The following F13A1 variants were observed in gnomAD, a reference collection of about 807,000 sequenced individuals.
The protein encoded by F13A1 is coagulation factor XIII A chain, also known as FSF, A subunit.
F13A1 carries 47 observed loss-of-function variants against 80.1 expected under a neutral mutation model. The observed-to-expected ratio is 0.59, with a 90% CI of 0.46 to 0.75. The LOEUF (loss-of-function observed/expected upper bound fraction) is 0.75, where lower values mean the gene tolerates loss of function less well. Among genes scored for constraint, F13A1 ranks in the 30% least tolerant of loss-of-function variants. F13A1 has a pLI of 0.00. For synonymous variants in F13A1, 349 were observed against 344.9 expected (o/e 1.01, Z -0.13); for missense variants, 817 against 930.4 (o/e 0.88, Z 1.59).
intron 10 of F13A1, among the ~76,000 whole-genome samples, chr6:6,183,363 A>G (rs931055867): frequency 6.6e-6 from 1 of 152,238 alleles, no homozygotes; most frequent in African/African-American, 2.4e-5. Flanking sequence ...GTTATTGATA[A>G]TAATATTGAA....
chr6:6,242,925 C>T (rs1026894087), intron 6 of F13A1, among the ~76,000 whole-genome samples: 4 of 152,310 alleles, frequency 2.6e-5, no homozygotes, highest in African/African-American at 9.6e-5. Flanking sequence ...ATTTCCATCA[C>T]AGAATTTGCC....
intron 12 of F13A1, 48 bp from the exon 13 acceptor site, chr6:6,167,666 G>A (rs1760702713): frequency 6.2e-7 from 1 of 1,602,852 alleles, no homozygotes; most frequent in South Asian, 1.1e-5. Flanking sequence ...CTTGAGACAG[G>A]GTCTGCTTTA....
At chr6:6,267,980 C>T (rs141694414) in intron 3 of F13A1, among the ~76,000 whole-genome samples, 4 of 152,332 alleles carry the variant, frequency 2.6e-5, no homozygotes, top group African/African-American at 7.2e-5. Context: ...TCCACTGTTA[C>T]ACTTTAAATT....
intron 6 of F13A1, among the ~76,000 whole-genome samples, chr6:6,234,707 T>G (rs560202223): frequency 6.6e-6 from 1 of 152,180 alleles, no homozygotes; most frequent in South Asian, 2.1e-4. Context: ...CATAATTACT[T>G]TATTCTTTTA....
In F13A1 at chr6:6,243,176, TACCACCATCACTCCC is replaced by T. The variant is rs1428966757; in HGVS notation, c.798+5121_798+5135del. On this transcript the variant is annotated intron_variant, in intron 6 of 14. Transcript: ENST00000264870. The surrounding 1 kb of genome is among the most constrained non-coding windows in gnomAD (Gnocchi z 4.2). ...CACCACATTACGCCATCACCACCAC[TACCACCATCACTCCC>T]ACCACCATCACTCCTACCATCACCA... is the stretch of plus-strand genomic sequence containing the variant. 2.1e-5 allele frequency among the ~76,000 whole-genome samples: 3 copies of T among 145,362 alleles called. No individual in the cohort carries two copies. The highest frequency in any genetic ancestry group is 3.0e-5 in the Non-Finnish European group (2 of 65,606).
chr6:6,271,888 C>T (rs1460648248), intron 3 of F13A1, among the ~76,000 whole-genome samples: 2 of 152,250 alleles, frequency 1.3e-5, no homozygotes, highest in Non-Finnish European at 2.9e-5. Flanking sequence ...TTACACAGAC[C>T]TACCTTAATC....
rs867515544 is a variant in F13A1, at chr6:6,217,584, C to T, written c.1112+4449G>A. ...GGGAGATATACCTAATGCTGGATGA[C>T]GAGTTAGTGGGTGCAGCGCACCAGC... On this transcript the variant is annotated intron_variant, in intron 8 of 14. Coordinates refer to ENST00000264870, the MANE Select transcript of F13A1 (RefSeq NM_000129.4). 1.7e-4 allele frequency among the ~76,000 whole-genome samples: 26 copies of T among 151,436 alleles called. No homozygotes were observed. In the Middle Eastern group the frequency reaches 0.01, roughly 59 times the overall value.
At chr6:6,203,397 G>A (rs1231574886) in intron 8 of F13A1, among the ~76,000 whole-genome samples, 2 of 152,188 alleles carry the variant, frequency 1.3e-5, no homozygotes, top group African/African-American at 4.8e-5. Flanking sequence ...TAATTAAAAG[G>A]TAGATTATCA....
At chr6:6,255,785 A>G (rs572133130) in intron 4 of F13A1, among the ~76,000 whole-genome samples, 6 of 152,264 alleles carry the variant, frequency 3.9e-5, no homozygotes, top group Non-Finnish European at 7.4e-5. Flanking sequence ...AATCCACAGT[A>G]TGGCAAGGAA....
rs1386684136 is a variant in F13A1 at position 6,299,845 on chromosome 6, T to G, written c.319+5506A>C. 1.4e-5 allele frequency among the ~76,000 whole-genome samples: 2 copies of G among 148,036 alleles called. 1 individual carries two copies. The highest frequency in any genetic ancestry group is 5.3e-5 in the African/African-American group (2 of 37,774). ...GCGGTCTGCTTTTTAGAGTTTCCAG[T>G]TTTTCTGTTCTGTTTTTTCCCCATC... On this transcript the variant is annotated intron_variant, in intron 3 of 14. Transcript: ENST00000264870.
intron 2 of F13A1, among the ~76,000 whole-genome samples, chr6:6,316,967 G>A (rs565461125): frequency 5.8e-4 from 89 of 152,214 alleles, no homozygotes; most frequent in African/African-American, 2.0e-3. Flanking sequence ...AGAGGTTCCC[G>A]TTTTTCCCAA....
intron 3 of F13A1, among the ~76,000 whole-genome samples, chr6:6,298,475 T>A (rs1426160439): frequency 6.7e-6 from 1 of 150,102 alleles, no homozygotes; most frequent in Non-Finnish European, 1.5e-5. Flanking sequence ...GCTCTTCTTG[T>A]TGAATTGATC....
chr6:6,277,902 G>A (rs1220897412), intron 3 of F13A1, among the ~76,000 whole-genome samples: 2 of 152,122 alleles, frequency 1.3e-5, no homozygotes, highest in African/African-American at 4.8e-5. Context: ...TGTATATTTG[G>A]CCAACCAGCT....
chr6:6,183,971 A>G lies in F13A1; in HGVS notation c.1306-1830T>C, dbSNP rs554898956. 1.1e-4 allele frequency among the ~76,000 whole-genome samples: 17 copies of G among 152,330 alleles called. No individual in the cohort carries two copies. The East Asian group carries it at 3.3e-3, about 29-fold the overall frequency. On this transcript the variant is annotated intron_variant, in intron 10 of 14. Coordinates refer to ENST00000264870, the MANE Select transcript of F13A1 (RefSeq NM_000129.4). ...GAGTAAAAATATAATAGTCATCATT[A>G]GGTAATGGGGAAACTTGAAGATATA...
chr6:6,197,560 T>C lies in F13A1; in HGVS notation c.1113-234A>G, dbSNP rs3024434. On this transcript the variant is annotated intron_variant, in intron 8 of 14. Coordinates refer to ENST00000264870, the MANE Select transcript of F13A1 (RefSeq NM_000129.4). ...GGGTGTGGTGGCGGGTGCCTGTAGT[T>C]CCAGCTACTTGGGAGGCTGAGGCAG... Among the ~76,000 whole-genome samples the C allele has an allele frequency of 0.65, 97,963 of 151,770 alleles. 32,700 individuals are homozygous for C. The highest frequency in any genetic ancestry group is 0.82 in the African/African-American group (33,997 of 41,378).
At chr6:6,152,616 C>G (rs1390448626) in intron 13 of F13A1, among the ~76,000 whole-genome samples, 1 of 152,172 alleles carries the variant, frequency 6.6e-6, no homozygotes, top group East Asian at 1.9e-4. Flanking sequence ...CCAGGTTCAA[C>G]ACTTATTAAC....
At chr6:6,184,231 G>A (rs1761038405) in intron 10 of F13A1, among the ~76,000 whole-genome samples, 2 of 152,228 alleles carry the variant, frequency 1.3e-5, no homozygotes, top group Non-Finnish European at 2.9e-5. Context: ...AGAAGGGGGA[G>A]GCAAAGTGTT....
At chr6:6,199,512 A>G (rs1583068047) in intron 8 of F13A1, among the ~76,000 whole-genome samples, 1 of 151,506 alleles carries the variant, frequency 6.6e-6, no homozygotes, top group Admixed American at 6.6e-5. Context: ...AAAAAAGAAC[A>G]GTACTATTAT....
chr6:6,213,202 C>T lies in F13A1; in HGVS notation c.1112+8831G>A, dbSNP rs370738727. Among the ~76,000 whole-genome samples the T allele has an allele frequency of 9.9e-5, 15 of 151,586 alleles. 2 individuals are homozygous for T. Among genetic ancestry groups the T allele is most frequent in the South Asian group, 4.2e-4 (2 of 4,788 alleles). The stretch of plus-strand genomic sequence containing the variant: ...AACACCACAAAGATACTCCTCGAGA[C>T]GAGCAACTCCAAGACACATAATTGT... On this transcript the variant is annotated intron_variant, in intron 8 of 14. Transcript: ENST00000264870.
Sources: gnomAD v4.1 joint callset for allele counts (sites outside exome capture counted in the v4.1 genomes callset) on GRCh38, gnomAD v4.1.1 for gene constraint, Gnocchi (gnomAD v3.1) non-coding constraint, MANE v1.5 for transcripts, NCBI Gene and HGNC (gene_info 2026-07-23, HGNC 2026-07-21) for gene names.